The following ZNF66 variants were observed in gnomAD, a reference collection of about 807,000 sequenced individuals.
The protein encoded by ZNF66 is putative zinc finger protein 66.
A neutral mutation model predicts 35.2 loss-of-function variants in ZNF66; 32 were observed. That is an observed-to-expected ratio of 0.91 (90% CI 0.69 to 1.22). The LOEUF is 1.22. Ranked by LOEUF, ZNF66 falls within the 50% of genes most tolerant of loss-of-function variation. The pLI, the probability that ZNF66 is intolerant of heterozygous loss-of-function variation, is 0.00. For synonymous variants in ZNF66, 231 were observed against 181.3 expected (o/e 1.27, Z -2.20); for missense variants, 666 against 543.1 (o/e 1.23, Z -2.25).
At chr19:20,776,710 T>G (rs1971198140) in intron 1 of ZNF66, among the ~76,000 whole-genome samples, 1 of 152,134 alleles carries the variant, frequency 6.6e-6, no homozygotes, top group Admixed American at 6.5e-5. Flanking sequence ...TCTCCCAGAT[T>G]GTGCAGGGAC....
intron 3 of ZNF66, among the ~76,000 whole-genome samples, chr19:20,799,821 A>G (rs396748): frequency 0.19 from 28,416 of 152,074 alleles, 2,848 homozygotes; most frequent in Non-Finnish European, 0.22. Context: ...CATTGTTTAA[A>G]TTCCATAGCT....
At position 20,805,126 on chromosome 19, in the gene ZNF66, T is replaced by TGTGAGAGAGA. The variant is rs752355466; in HGVS notation, c.227-700_227-699insTGAGAGAGAG. On this transcript the variant is annotated intron_variant, in intron 3 of 3. Transcript: ENST00000344519. ...TTACATTTGTGTGTGTGTGTGTGTG[T>TGTGAGAGAGA]GAGAGAGAGAGAGAGAGAGAGAGAG... Among the ~76,000 whole-genome samples the TGTGAGAGAGA allele has an allele frequency of 2.7e-3, 393 of 146,064 alleles. 1 individual carries two copies. The highest frequency in any genetic ancestry group is 3.8e-3 in the Non-Finnish European group (250 of 66,632).
intron 3 of ZNF66, chr19:20,794,080 T>C (rs1188349389): frequency 1.7e-6 from 1 of 581,208 alleles, no homozygotes; most frequent in Non-Finnish European, 3.1e-6. Context: ...GCTTCTAAAT[T>C]CTCTAAAAAT....
chr19:20,800,492 G>A (rs765317726), intron 3 of ZNF66, among the ~76,000 whole-genome samples: 25 of 152,154 alleles, frequency 1.6e-4, no homozygotes, highest in Non-Finnish European at 3.7e-4. Context: ...AATCCTCAAT[G>A]TTGGGTGTGG....
At chr19:20,789,319 A>G (rs763970182) in intron 1 of ZNF66, among the ~76,000 whole-genome samples, 3 of 152,144 alleles carry the variant, frequency 2.0e-5, no homozygotes, top group Admixed American at 6.6e-5. Flanking sequence ...TGGTCTGACT[A>G]TACCTTGGAG....
At chr19:20,790,824 A>G (rs1202762134) in intron 1 of ZNF66, among the ~76,000 whole-genome samples, 1 of 152,156 alleles carries the variant, frequency 6.6e-6, no homozygotes, top group Non-Finnish European at 1.5e-5. Context: ...CTGGAATGCC[A>G]TGTATCTAGT....
chr19:20,799,697 TTCTC>T (rs902725348), intron 3 of ZNF66, among the ~76,000 whole-genome samples: 31 of 152,302 alleles, frequency 2.0e-4, no homozygotes, highest in African/African-American at 5.8e-4. Context: ...AAGAGATTAT[TTCTC>T]TCTATTTTGT....
At chr19:20,802,564 C>T (rs1199892936) in intron 3 of ZNF66, among the ~76,000 whole-genome samples, 1 of 152,132 alleles carries the variant, frequency 6.6e-6, no homozygotes, top group African/African-American at 2.4e-5. Flanking sequence ...TATAAAATTT[C>T]AGTTTTAAAA....
At chr19:20,782,046 C>T (rs1971250386) in intron 1 of ZNF66, among the ~76,000 whole-genome samples, 2 of 152,272 alleles carry the variant, frequency 1.3e-5, no homozygotes, top group East Asian at 3.9e-4. Context: ...AAGCAATTCT[C>T]TCCTACCTCA....
At chr19:20,782,507 C>A (rs1451878268) in intron 1 of ZNF66, among the ~76,000 whole-genome samples, 4 of 152,164 alleles carry the variant, frequency 2.6e-5, no homozygotes, top group Non-Finnish European at 5.9e-5. Context: ...TATAAGCATT[C>A]TGTTTTCTCT....
At chr19:20,791,368 C>G (rs1456957439) in intron 1 of ZNF66, among the ~76,000 whole-genome samples, 1 of 151,798 alleles carries the variant, frequency 6.6e-6, no homozygotes, top group East Asian at 1.9e-4. Context: ...ACCTGTAATC[C>G]CAGCTACTTG....
rs370290190 is a variant in ZNF66, at chr19:20,806,812, A to G, written c.1212A>G (p.Lys404=). Residue 404 remains lysine, a synonymous_variant, in exon 4 of 4, where the codon AAA becomes AAG. Coordinates refer to ENST00000344519, the MANE Select transcript of ZNF66 (RefSeq NM_001355197.2). ...CTTACAAATGTGAAGAATGTGGCAA[A>G]GTGTTTAAGCACTCCTCTCCCCTTT... ...KKPYKCEECG[K]VFKHSSPLSK... 54 of 1,302,692 alleles carry G rather than the reference A, an allele frequency of 4.1e-5. 1 individual carries two copies. Among genetic ancestry groups the G allele is most frequent in the East Asian group, 3.0e-4 (13 of 43,332 alleles). 80.7% of individuals were successfully genotyped at this position (1,302,692 alleles called of 1,614,324 possible).
intron 3 of ZNF66, among the ~76,000 whole-genome samples, chr19:20,800,580 G>A (rs1971438777): frequency 6.6e-6 from 1 of 152,120 alleles, no homozygotes; most frequent in South Asian, 2.1e-4. Context: ...CAACCAAAAA[G>A]ATTAGACTCT....
intron 1 of ZNF66, among the ~76,000 whole-genome samples, chr19:20,776,805 T>C (rs62125573): frequency 6.6e-6 from 1 of 152,080 alleles, no homozygotes; most frequent in Non-Finnish European, 1.5e-5. Flanking sequence ...GTTCACAGTT[T>C]CTCTTTTCTG....
intron 1 of ZNF66, among the ~76,000 whole-genome samples, chr19:20,781,773 G>T (rs769507299): frequency 2.6e-5 from 4 of 152,056 alleles, no homozygotes; most frequent in Admixed American, 6.6e-5. Context: ...CTCCCAAAGC[G>T]CTGGGATTAC....
intron 1 of ZNF66, among the ~76,000 whole-genome samples, chr19:20,784,262 G>C (rs1030178764): frequency 6.6e-6 from 1 of 152,038 alleles, no homozygotes; most frequent in Admixed American, 6.6e-5. Flanking sequence ...TTTAACTGAA[G>C]TATAGTTACA....
rs770702970 is a variant in ZNF66 at position 20,807,007 on chromosome 19, T to G, written c.1407T>G (p.Thr469=). 1.4e-5 allele frequency: 13 copies of G among 937,532 alleles called. No homozygotes were observed. In the African/African-American group the frequency reaches 1.9e-4, roughly 14 times the overall value. 58.1% of individuals were successfully genotyped at this position (937,532 alleles called of 1,614,324 possible). The part of the protein sequence containing the change: ...GKAFNRSSNL[T]KHKKIHTGEK... ...CCTTTAACCGCTCCTCTAACCTTAC[T>G]AAACACAAGAAAATTCATACTGGAG... Residue 469 remains threonine, a synonymous_variant, in exon 4 of 4, where the codon ACT becomes ACG. Transcript: ENST00000344519.
chr19:20,787,444 C>T (rs1475736367), intron 1 of ZNF66, among the ~76,000 whole-genome samples: 3 of 152,142 alleles, frequency 2.0e-5, no homozygotes, highest in Admixed American at 2.0e-4. Context: ...GTTGATCCTA[C>T]CTAGAATCTG....
intron 3 of ZNF66, chr19:20,794,477 TA>T (rs35715992): frequency 0.094 from 14,220 of 150,942 alleles, 679 homozygotes; most frequent in Middle Eastern, 0.11. Flanking sequence ...TCCATTATTG[TA>T]AAAAAAAACA....
Sources: allele counts gnomAD v4.1 joint callset (sites outside exome capture counted in the v4.1 genomes callset), GRCh38; gene constraint gnomAD v4.1.1; transcripts MANE v1.5; gene names NCBI Gene and HGNC (gene_info 2026-07-23, HGNC 2026-07-21).